The following DLC1 variants were observed in gnomAD, a reference collection of about 807,000 sequenced individuals.
The protein encoded by DLC1 is rho GTPase-activating protein 7.
A neutral mutation model predicts 140.3 loss-of-function variants in DLC1; 54 were observed. That is an observed-to-expected ratio of 0.38 (90% CI 0.31 to 0.48). DLC1 has a LOEUF of 0.48. DLC1 is among the 20% of genes least tolerant of loss of function. The pLI is 0.96. For synonymous variants in DLC1, 986 were observed against 728.1 expected, an observed-to-expected ratio of 1.35 and a Z score of -5.70; for missense variants, 2,536 against 1,907.0, an observed-to-expected ratio of 1.33 and a Z score of -6.14.
intron 1 of DLC1, among the ~76,000 whole-genome samples, chr8:13,596,287 A>G (rs1420805430): frequency 5.3e-5 from 8 of 152,000 alleles, no homozygotes; most frequent in Admixed American, 4.6e-4. Context: ...GAAGGAATTA[A>G]TAGGTTGGCG....
rs150136179 is a variant in DLC1 at position 13,532,643 on chromosome 8, G to A, written c.-125-32447C>T. Reference sequence around the variant, plus strand: ...CACTCTACCATAAGGCTGGTGTGCAGTGGTGCAATCATTCATTGCTCACTG... The same window carrying A: ...CACTCTACCATAAGGCTGGTGTGCAATGGTGCAATCATTCATTGCTCACTG... On this transcript the variant is annotated intron_variant, in intron 1 of 1. Transcript: ENST00000631382. 4.8e-3 allele frequency among the ~76,000 whole-genome samples: 733 copies of A among 152,250 alleles called. 4 individuals are homozygous for A. Among genetic ancestry groups the A allele is most frequent in the African/African-American group, 0.017 (706 of 41,550 alleles).
intron 5 of DLC1, among the ~76,000 whole-genome samples, chr8:13,194,756 C>T (rs1292942224): frequency 6.6e-6 from 1 of 152,132 alleles, no homozygotes; most frequent in Non-Finnish European, 1.5e-5. Context: ...GCCTATAATC[C>T]CAGCACTTTG....
intron 1 of DLC1, among the ~76,000 whole-genome samples, chr8:13,510,666 C>T (rs1288582255): frequency 6.6e-6 from 1 of 152,086 alleles, no homozygotes; most frequent in East Asian, 1.9e-4. Context: ...TAACTTTGTC[C>T]ATTATTTTTT....
intron 10 of DLC1, chr8:13,095,490 A>C: frequency 5.8e-6 from 3 of 514,958 alleles, no homozygotes; most frequent in Non-Finnish European, 1.0e-5. Context: ...GAACATTCCT[A>C]TCATCCAGAC....
At chr8:13,334,515 G>A (rs6986389) in intron 4 of DLC1, among the ~76,000 whole-genome samples, 45,922 of 152,038 alleles carry the variant, frequency 0.3, 7,822 homozygotes, top group Non-Finnish European at 0.39. Context: ...GAGAAGGCAG[G>A]AGACCAGCTA....
In DLC1 at chr8:13,396,982, G is replaced by A. The variant is rs140823601; in HGVS notation, c.1174-3289C>T. 2.8e-3 allele frequency among the ~76,000 whole-genome samples: 423 copies of A among 151,616 alleles called. 2 individuals carry two copies. Among genetic ancestry groups the A allele is most frequent in the African/African-American group, 1.0e-2 (411 of 41,300 alleles). On this transcript the variant is annotated intron_variant, in intron 3 of 17. Coordinates refer to ENST00000276297, the MANE Select transcript of DLC1 (RefSeq NM_182643.3). The stretch of plus-strand genomic sequence containing the variant: ...TTGCTTTGTGTAATTAATCCTACAG[G>A]CCATCTTCCTGCAAGACTCCATCTA...
intron 1 of DLC1, among the ~76,000 whole-genome samples, chr8:13,591,729 G>A (rs1021579032): frequency 6.6e-6 from 1 of 152,122 alleles, no homozygotes; most frequent in African/African-American, 2.4e-5. Context: ...ATATATTTTA[G>A]AGGTAGAACT....
chr8:13,585,762 A>G (rs544174857), intron 1 of DLC1, among the ~76,000 whole-genome samples: 5 of 152,164 alleles, frequency 3.3e-5, no homozygotes, highest in Admixed American at 1.3e-4. Flanking sequence ...TCACATTCAT[A>G]TTTTATTCTA....
intron 1 of DLC1, among the ~76,000 whole-genome samples, chr8:13,532,991 A>T (rs1468392144): frequency 1.3e-5 from 2 of 152,212 alleles, no homozygotes; most frequent in Admixed American, 6.5e-5. Context: ...TGTTTTTGAT[A>T]GCATAACCCA....
rs1366642550 is a variant in DLC1, at chr8:13,453,554, A to AT, written c.1023+45494dup. Among the ~76,000 whole-genome samples the AT allele has an allele frequency of 4.8e-4, 16 of 33,346 alleles. 4 individuals carry two copies. The highest frequency in any genetic ancestry group is 1.9e-3 in the African/African-American group (13 of 6,760). 21.9% of individuals were successfully genotyped at this position (33,346 alleles called of 152,430 possible). A position where few individuals can be genotyped will look rare whatever the true frequency, so the allele number is the denominator to read the frequency against. On this transcript the variant is annotated intron_variant, in intron 2 of 17. Transcript: ENST00000276297. ...TATATATATACATATATATATATAT[A>AT]TATTTTTTTTTTTTTTTTTTCAGAT...
At chr8:13,481,137 C>A (rs1165711679) in intron 2 of DLC1, among the ~76,000 whole-genome samples, 1 of 152,070 alleles carries the variant, frequency 6.6e-6, no homozygotes, top group East Asian at 1.9e-4. Context: ...AATAAATCAA[C>A]AAATAGGCTG....
chr8:13,105,266 AG>A (rs1819466201), intron 7 of DLC1, among the ~76,000 whole-genome samples: 1 of 152,162 alleles, frequency 6.6e-6, no homozygotes, highest in Non-Finnish European at 1.5e-5. Flanking sequence ...GTTATACCCT[AG>A]GGTTTCTGTG....
Position 13,599,321 on chromosome 8 carries a change from A to G in DLC1, c.-126+5216T>C, listed in dbSNP as rs367563129. Among the ~76,000 whole-genome samples, 137 of 152,116 alleles carry G rather than the reference A, an allele frequency of 9.0e-4. 3 individuals carry two copies. The highest frequency in any genetic ancestry group is 2.9e-3 in the African/African-American group (119 of 41,560). On this transcript the variant is annotated intron_variant, in intron 1 of 1. Coordinates refer to the DLC1 transcript ENST00000631382. ...AACATTTGGATAAAATGCATGTGCCATAGAACAATAATAAATTATTAAAAA... is the reference window on the plus strand; with the variant it reads ...AACATTTGGATAAAATGCATGTGCCGTAGAACAATAATAAATTATTAAAAA...
chr8:13,461,809 G>A (rs770420042), intron 2 of DLC1, among the ~76,000 whole-genome samples: 26 of 152,052 alleles, frequency 1.7e-4, no homozygotes, highest in African/African-American at 4.8e-4. Flanking sequence ...CTCTGATGCC[G>A]ATGCTCTTCG....
chr8:13,124,425 T>C (rs1378060926), intron 5 of DLC1, among the ~76,000 whole-genome samples: 1 of 152,130 alleles, frequency 6.6e-6, no homozygotes, highest in Non-Finnish European at 1.5e-5. Flanking sequence ...TTTACTACAA[T>C]ACAGACCAAA....
At chr8:13,184,851 C>A (rs1826254225) in intron 5 of DLC1, among the ~76,000 whole-genome samples, 1 of 152,138 alleles carries the variant, frequency 6.6e-6, no homozygotes, top group Admixed American at 6.5e-5. Context: ...CCTGGATATC[C>A]TTATTAACCT....
At chr8:13,304,193 A>C (rs1054027314) in intron 5 of DLC1, among the ~76,000 whole-genome samples, 2 of 152,240 alleles carry the variant, frequency 1.3e-5, no homozygotes, top group African/African-American at 2.4e-5. Flanking sequence ...CATTGAAAGT[A>C]ATGGCCAAAA....
At chr8:13,505,872 C>T (rs763400124) in intron 1 of DLC1, among the ~76,000 whole-genome samples, 22 of 152,150 alleles carry the variant, frequency 1.4e-4, no homozygotes, top group Non-Finnish European at 2.9e-4. Context: ...GTTTAAGATA[C>T]ATAAAATAAC....
At chr8:13,576,583 A>T (rs976611577) in intron 1 of DLC1, among the ~76,000 whole-genome samples, 3 of 152,228 alleles carry the variant, frequency 2.0e-5, no homozygotes, top group African/African-American at 7.2e-5. Context: ...TATTTCTTAC[A>T]GATAGAGAAG....
Sources: gnomAD v4.1 joint callset for allele counts (sites outside exome capture counted in the v4.1 genomes callset) on GRCh38, gnomAD v4.1.1 for gene constraint, MANE v1.5 for transcripts, NCBI Gene and HGNC (gene_info 2026-07-23, HGNC 2026-07-21) for gene names.